CHADL: variants seen among roughly 807,000 people sequenced by gnomAD.
CHADL encodes the protein chondroadherin like, also known as chondroadherin-like protein.
CHADL carries 48 observed loss-of-function variants against 52.1 expected under a neutral mutation model. The ratio of observed to expected loss-of-function variants is 0.92; its 90% CI spans 0.73 to 1.17. The LOEUF is 1.17. CHADL is among the 50% of genes most tolerant of loss of function. The pLI is 0.00. For missense variants in CHADL, 977 were observed against 1,035.1 expected, an observed-to-expected ratio of 0.94 and a Z score of 0.77; for synonymous variants, 498 against 511.2, an observed-to-expected ratio of 0.97 and a Z score of 0.35.
Position 41,235,293 on chromosome 22 carries a change from G to A in CHADL, c.2114C>T (p.Pro705Leu). Residue 705 changes from proline (P) to leucine (L), a missense_variant, in exon 5 of 6, where the codon CCC (proline) becomes CTC (leucine). Transcript: ENST00000216241. ...LRVGATCATPPNARGQRVKAA... is the reference protein window; with the variant it reads ...LRVGATCATPLNARGQRVKAA... ...CTTCACCCTCTGGCCACGGGCATTGGGAGGGGTGGCGCAGGTGGCCCCCAC... is the reference window on the plus strand; with the variant it reads ...CTTCACCCTCTGGCCACGGGCATTGAGAGGGGTGGCGCAGGTGGCCCCCAC... 1 of 1,551,242 alleles carries A rather than the reference G, an allele frequency of 6.4e-7. No homozygotes were observed. Among genetic ancestry groups the A allele is most frequent in the Non-Finnish European group, 8.7e-7 (1 of 1,147,012 alleles).
At chr22:41,232,614 C>CT (rs762812898) in intron 5 of CHADL, among the ~76,000 whole-genome samples, 2 of 152,178 alleles carry the variant, frequency 1.3e-5, no homozygotes. Flanking sequence ...GAAACTGCTA[C>CT]TTTCATCAAA....
chr22:41,237,556 G>C lies in CHADL; in HGVS notation c.1516C>G (p.Arg506Gly), dbSNP rs1330423782. ...APRLGYLYLE[R>G]NRFLQVPGAA... ...CCTGGCACCTGCAGGAAACGGTTGCGTTCTAGGTACAGGTAGCCGAGGCGG... is the reference window on the plus strand; with the variant it reads ...CCTGGCACCTGCAGGAAACGGTTGCCTTCTAGGTACAGGTAGCCGAGGCGG... Residue 506 changes from arginine (R) to glycine (G), a missense_variant, in exon 3 of 6, where the codon CGC becomes GGC. Arg to Gly is a moderately radical substitution (Grantham distance 125, BLOSUM62 -2). Transcript: ENST00000216241. 2.6e-6 allele frequency: 4 copies of C among 1,550,412 alleles called. No individual in the cohort carries two copies. Among genetic ancestry groups the C allele is most frequent in the Admixed American group, 2.0e-5 (1 of 50,996 alleles).
At position 41,238,320 on chromosome 22, in the gene CHADL, A is replaced by C. The variant is rs948630988; in HGVS notation, c.752T>G (p.Leu251Arg). The stretch of plus-strand genomic sequence containing the variant: ...CAGCTCCCGCAGGCCGGGCAGCGCC[A>C]GCCCGTCCTCCTCGCCCGCGTAGGT... ...PLTYAGEEDG[L>R]ALPGLRELLL... The change falls in exon 3 of 6, where the codon CTG (leucine) becomes CGG (arginine). Residue 251 changes from leucine to arginine, a missense_variant. Coordinates refer to ENST00000216241, the MANE Select transcript of CHADL (RefSeq NM_138481.2). The surrounding 1 kb of genome is among the most constrained non-coding windows in gnomAD (Gnocchi z 4.9). 14 of 1,523,968 alleles carry C rather than the reference A, an allele frequency of 9.2e-6. No individual in the cohort carries two copies. The highest frequency in any genetic ancestry group is 1.2e-5 in the Non-Finnish European group (14 of 1,142,188). The allele number at this position is 1,523,968 out of a possible 1,614,324, so 94.4% of individuals were successfully genotyped here. A position where few individuals can be genotyped will look rare whatever the true frequency, so the allele number is the denominator to read the frequency against.
At chr22:41,232,103 C>T (rs111907208) in intron 5 of CHADL, among the ~76,000 whole-genome samples, 1,724 of 152,120 alleles carry the variant, frequency 0.011, 29 homozygotes, top group African/African-American at 0.039. Flanking sequence ...GAGGCCACGG[C>T]GGGCGGATCA....
chr22:41,233,913 C>A (rs540898256), intron 5 of CHADL, among the ~76,000 whole-genome samples: 1 of 152,324 alleles, frequency 6.6e-6, no homozygotes, highest in Non-Finnish European at 1.5e-5. Flanking sequence ...TGGACACCTC[C>A]GTGGCCTTAC....
rs1348379919 is a variant in CHADL at position 41,235,290 on chromosome 22, T to C, written c.2117A>G (p.Asn706Ser). Residue 706 changes from asparagine (N) to serine (S), a missense_variant, in exon 5 of 6, where the codon AAT (asparagine) becomes AGT (serine). By Grantham distance (46) the Asn-to-Ser change is conservative. Transcript: ENST00000216241. The stretch of plus-strand genomic sequence containing the variant: ...AGCCTTCACCCTCTGGCCACGGGCA[T>C]TGGGAGGGGTGGCGCAGGTGGCCCC... ...RVGATCATPPNARGQRVKAAA... is the reference protein window; with the variant it reads ...RVGATCATPPSARGQRVKAAA... 1 of 1,551,182 alleles carries C rather than the reference T, an allele frequency of 6.4e-7. No homozygotes were observed. Among genetic ancestry groups the C allele is most frequent in the East Asian group, 2.4e-5 (1 of 40,908 alleles).
chr22:41,240,674 C>A, intron 1 of CHADL, 200 bp downstream of exon 1: 1 of 604,490 alleles, frequency 1.7e-6, no homozygotes, highest in Admixed American at 3.0e-5. Flanking sequence ...AGACAAGCCC[C>A]AGAGGACCAG....
Position 41,237,388 on chromosome 22 carries a change from G to A in CHADL, c.1684C>T (p.Leu562Phe), listed in dbSNP as rs2032763829. 1.3e-6 allele frequency: 2 copies of A among 1,550,654 alleles called. No homozygotes were observed. The highest frequency in any genetic ancestry group is 2.4e-5 in the South Asian group (2 of 84,068). The change falls in exon 3 of 6, where the codon CTT becomes TTT. Residue 562 changes from leucine (L) to phenylalanine (F), a missense_variant. Leu to Phe is a conservative substitution (Grantham distance 22). Coordinates refer to ENST00000216241, the MANE Select transcript of CHADL (RefSeq NM_138481.2). ...LSGNRITEVS[L>F]GALGPARELE... ...TCCCGAGCTGGGCCCAGCGCCCCAA[G>A]GGACACTTCGGTGATGCGGTTTCCA...
chr22:41,240,925 A>G lies in CHADL; in HGVS notation c.-44T>C. ...TCCAGCCTGGAGGCGCAGCGCAGGG[A>G]CAGGCTGTCCCCGCCTGGCAGGAGC... is the stretch of plus-strand genomic sequence containing the variant. On this transcript the variant is annotated 5_prime_UTR_variant, in exon 1 of 6. Coordinates refer to ENST00000216241, the MANE Select transcript of CHADL (RefSeq NM_138481.2). 3.2e-6 allele frequency: 5 copies of G among 1,540,682 alleles called. No homozygotes were observed. Among genetic ancestry groups the G allele is most frequent in the Non-Finnish European group, 4.4e-6 (5 of 1,144,180 alleles).
intron 5 of CHADL, among the ~76,000 whole-genome samples, chr22:41,233,950 G>A (rs888766660): frequency 2.6e-5 from 4 of 152,174 alleles, no homozygotes; most frequent in African/African-American, 9.7e-5. Flanking sequence ...ATACGGGGGT[G>A]CCTGTATCTT....
chr22:41,236,408 G>T, intron 4 of CHADL, 76 bp downstream of exon 4: 1 of 1,326,996 alleles, frequency 7.5e-7, no homozygotes, highest in Non-Finnish European at 1.1e-6. Context: ...GACATGGTGT[G>T]CCTGGGGAGA....
intron 5 of CHADL, 59 bp from the exon 6 acceptor site, chr22:41,229,789 T>TG: frequency 2.8e-6 from 4 of 1,432,694 alleles, no homozygotes; most frequent in Non-Finnish European, 3.9e-6. Flanking sequence ...CAAGCAGTCC[T>TG]GTACCACTGG....
Position 41,237,376 on chromosome 22 carries a change from C to G in CHADL, c.1696G>C (p.Gly566Arg), listed in dbSNP as rs1421110821. The G allele has an allele frequency of 6.4e-7, 1 of 1,550,670 alleles. No individual in the cohort carries two copies. Among genetic ancestry groups the G allele is most frequent in the Non-Finnish European group, 8.7e-7 (1 of 1,146,972 alleles). ...AGCTTCTCCAGCTCCCGAGCTGGGC[C>G]CAGCGCCCCAAGGGACACTTCGGTG... is the stretch of plus-strand genomic sequence containing the variant. ...RITEVSLGAL[G>R]PARELEKLHL... Residue 566 changes from glycine (G) to arginine (R), a missense_variant, in exon 3 of 6, where the codon GGC (glycine) becomes CGC (arginine). By Grantham distance (125) the Gly-to-Arg change is moderately radical. Coordinates refer to ENST00000216241, the MANE Select transcript of CHADL (RefSeq NM_138481.2).
rs1246378287 is a variant in CHADL at position 41,237,259 on chromosome 22, G to C, written c.1813C>G (p.Leu605Val). The change falls in exon 3 of 6, where the codon CTC becomes GTC. Residue 605 changes from leucine (L) to valine (V), a missense_variant. Transcript: ENST00000216241. ...AAGGCTCCGTCACGCAAGGCCCTGA[G>C]TGGGTTGCCCGAGAGCTGCAGCTCC... ...LLELQLSGNP[L>V]RALRDGAFQP... is the part of the protein sequence containing the mutation. The C allele has an allele frequency of 1.3e-6, 2 of 1,550,602 alleles. No individual in the cohort carries two copies. Among genetic ancestry groups the C allele is most frequent in the Admixed American group, 3.9e-5 (2 of 51,012 alleles).
chr22:41,234,430 G>A (rs2032697924), intron 5 of CHADL, among the ~76,000 whole-genome samples: 2 of 151,168 alleles, frequency 1.3e-5, no homozygotes, highest in Admixed American at 1.3e-4. Context: ...TCGCCAGGCT[G>A]GGGTGCAGTG....
intron 5 of CHADL, among the ~76,000 whole-genome samples, chr22:41,232,601 G>A (rs935689466): frequency 2.0e-5 from 3 of 152,144 alleles, no homozygotes; most frequent in African/African-American, 7.2e-5. Flanking sequence ...GTATTCCTGG[G>A]AGGAAACTGC....
rs575871477 is a variant in CHADL, at chr22:41,232,834, G to T, written c.2262+2311C>A. Among the ~76,000 whole-genome samples, 4 of 152,180 alleles carry T rather than the reference G, an allele frequency of 2.6e-5. No individual in the cohort carries two copies. In the East Asian group the frequency reaches 7.7e-4, roughly 29 times the overall value. On this transcript the variant is annotated intron_variant, in intron 5 of 5. Transcript: ENST00000216241. ...TCTACATGAGCCTCCCGGGGCTGAC[G>T]CAGGGAGAAAGCACTGCTGCCATTT...
intron 5 of CHADL, 22 bp from the exon 6 acceptor site, chr22:41,229,752 C>T (rs1569154831): frequency 6.2e-7 from 1 of 1,601,890 alleles, no homozygotes; most frequent in Non-Finnish European, 8.5e-7. Context: ...AGAGTAGAGT[C>T]AGGTTTCTTT....
At position 41,237,236 on chromosome 22, in the gene CHADL, G is replaced by T. The variant is rs1276167274; in HGVS notation, c.1836C>A (p.Ala612=). The T allele has an allele frequency of 6.4e-7, 1 of 1,550,436 alleles. No individual in the cohort carries two copies. Among genetic ancestry groups the T allele is most frequent in the Non-Finnish European group, 8.7e-7 (1 of 1,146,904 alleles). ...GNPLRALRDG[A]FQPVGRSLQH... is the part of the protein sequence containing the mutation. ...GCAGCGACCTGCCCACAGGCTGGAA[G>T]GCTCCGTCACGCAAGGCCCTGAGTG... The change falls in exon 3 of 6, where the codon GCC becomes GCA. Residue 612 remains alanine (A), a synonymous_variant. Coordinates refer to ENST00000216241, the MANE Select transcript of CHADL (RefSeq NM_138481.2).
Sources: gnomAD v4.1 joint callset for allele counts (sites outside exome capture counted in the v4.1 genomes callset) on GRCh38, gnomAD v4.1.1 for gene constraint, Gnocchi (gnomAD v3.1) non-coding constraint, MANE v1.5 for transcripts, NCBI Gene and HGNC (gene_info 2026-07-23, HGNC 2026-07-21) for gene names.